LTA: variants seen among roughly 807,000 people sequenced by gnomAD.
LTA encodes lymphotoxin alpha.
A neutral mutation model predicts 15.1 loss-of-function variants in LTA; 6 were observed. The ratio of observed to expected loss-of-function variants is 0.40; its 90% confidence interval spans 0.22 to 0.78. LTA has a LOEUF of 0.78. LTA is among the 30% of genes least tolerant of loss of function. The pLI, the probability that LTA is intolerant of heterozygous loss-of-function variation, is 0.38. For synonymous variants in LTA, 87 were observed against 107.3 expected, an observed-to-expected ratio of 0.81 and a Z score of 1.17; for missense variants, 173 against 249.5, an observed-to-expected ratio of 0.69 and a Z score of 2.06.
At chr6:31,564,933 A>T in the LTA span, among the ~76,000 whole-genome samples, 6 of 152,132 alleles carry the variant, frequency 3.9e-5, no homozygotes, top group African/African-American at 1.4e-4. Flanking sequence ...ACAAACAAGG[A>T]TGATGGTAGG....
chr6:31,570,476 T>G (rs1770773723), upstream of LTA, among the ~76,000 whole-genome samples: 2 of 152,184 alleles, frequency 1.3e-5, no homozygotes, highest in Admixed American at 1.3e-4. Context: ...TCAGTAGCAG[T>G]AATAATATTT....
At chr6:31,569,913 G>A (rs948968077), upstream of LTA, among the ~76,000 whole-genome samples, 2 of 152,150 alleles carry the variant, frequency 1.3e-5, no homozygotes, top group Non-Finnish European at 2.9e-5. Context: ...GCTGTACAGA[G>A]AGACCAAGAA....
rs1257603892 is a variant in LTA, at chr6:31,572,730, G to T, written c.-9-4G>T. On this transcript the variant is annotated splice_polypyrimidine_tract_variant and splice_region_variant and intron_variant, in intron 1 of 3. Coordinates refer to ENST00000418386, the MANE Select transcript of LTA (RefSeq NM_000595.4). ...TCTCTCTCTCTCTCTCTCTTTCTCT[G>T]CAGGTTCTCCCCATGACACCACCTG... 6.3e-7 allele frequency: 1 copy of T among 1,586,736 alleles called. No individual in the cohort carries two copies. The highest frequency in any genetic ancestry group is 8.6e-7 in the Non-Finnish European group (1 of 1,162,602).
upstream of LTA, among the ~76,000 whole-genome samples, chr6:31,569,749 A>G (rs1018705131): frequency 5.3e-5 from 8 of 151,852 alleles, no homozygotes; most frequent in African/African-American, 1.9e-4. Flanking sequence ...GTGAGCCAAG[A>G]TCGTGCCACT....
At chr6:31,567,621 T>TCTCTCC (rs1770637645), upstream of LTA, among the ~76,000 whole-genome samples, 3 of 145,654 alleles carry the variant, frequency 2.1e-5, no homozygotes, top group African/African-American at 7.7e-5. Flanking sequence ...TCTCTCTCTC[T>TCTCTCC]CTCCCTCCCC....
At chr6:31,571,103 C>T (rs4647192), upstream of LTA, among the ~76,000 whole-genome samples, 307 of 150,710 alleles carry the variant, frequency 2.0e-3, 1 homozygote, top group African/African-American at 7.2e-3. Context: ...CTCTGTCCCC[C>T]AGGCTGGAAT....
At chr6:31,570,168 C>T (rs951476612), upstream of LTA, among the ~76,000 whole-genome samples, 25 of 152,118 alleles carry the variant, frequency 1.6e-4, no homozygotes, top group African/African-American at 5.8e-4. Context: ...GGAGTATTGG[C>T]CATAACCCTT....
At chr6:31,569,154 C>T (rs897406119), upstream of LTA, among the ~76,000 whole-genome samples, 2 of 152,014 alleles carry the variant, frequency 1.3e-5, no homozygotes, top group Non-Finnish European at 2.9e-5. Flanking sequence ...GGATTACAGG[C>T]GCGTGCCACC....
Position 31,572,783 on chromosome 6 carries a change from G to T in LTA, c.41G>T (p.Gly14Val). ...CGTCTCTTCCTCCCAAGGGTGTGTG[G>T]CACCACCCTACACCTCCTCCTTCTG... The part of the protein sequence containing the change: ...PERLFLPRVC[G>V]TTLHLLLLGL... The change falls in exon 2 of 4, where the codon GGC becomes GTC. Residue 14 changes from glycine to valine, a missense_variant. Transcript: ENST00000418386. 1 of 1,610,602 alleles carries T rather than the reference G, an allele frequency of 6.2e-7. No homozygotes were observed. The highest frequency in any genetic ancestry group is 8.5e-7 in the Non-Finnish European group (1 of 1,179,734).
the LTA span, among the ~76,000 whole-genome samples, chr6:31,565,541 C>T: frequency 6.6e-6 from 1 of 152,168 alleles, no homozygotes; most frequent in Admixed American, 6.5e-5. Flanking sequence ...TGACCATGCC[C>T]AGGTTTCTTT....
In LTA at chr6:31,574,025, G is replaced by T; in HGVS notation, c.*332G>T. ...AGAGCAGGCACATGGAGGAGCTTGG[G>T]GGATGACTAGAGGCAGGGAGGGGAC... On this transcript the variant is annotated 3_prime_UTR_variant, in exon 4 of 4. Coordinates refer to ENST00000418386, the MANE Select transcript of LTA (RefSeq NM_000595.4). The T allele has an allele frequency of 1.9e-6, 1 of 522,028 alleles. No individual in the cohort carries two copies. The highest frequency in any genetic ancestry group is 1.9e-5 in the African/African-American group (1 of 52,264). 32.3% of individuals were successfully genotyped at this position (522,028 alleles called of 1,614,324 possible).
intron 3 of LTA, 23 bp from the exon 4 acceptor site, chr6:31,573,258 C>T (rs371781050): frequency 6.3e-7 from 1 of 1,596,848 alleles, no homozygotes; most frequent in Non-Finnish European, 8.5e-7. Context: ...TCTCCCACCC[C>T]CATCCCCTAT....
At chr6:31,563,481 C>T in the LTA span, among the ~76,000 whole-genome samples, 1 of 152,068 alleles carries the variant, frequency 6.6e-6, no homozygotes, top group Non-Finnish European at 1.5e-5. Context: ...AAGTTGTGTC[C>T]AAGAACACTG....
At chr6:31,563,909 T>C in the LTA span, among the ~76,000 whole-genome samples, 1 of 151,992 alleles carries the variant, frequency 6.6e-6, no homozygotes, top group African/African-American at 2.4e-5. Flanking sequence ...TGCCCGGCGG[T>C]AAGAGATTCT....
chr6:31,567,557 C>T (rs563531986), upstream of LTA, among the ~76,000 whole-genome samples: 33 of 148,622 alleles, frequency 2.2e-4, no homozygotes, highest in Non-Finnish European at 2.5e-4. Context: ...AGCAAGACAC[C>T]ATGTCAAAAG....
upstream of LTA, among the ~76,000 whole-genome samples, chr6:31,570,442 TAACA>T: frequency 6.6e-6 from 1 of 152,316 alleles, no homozygotes; most frequent in South Asian, 2.1e-4. Context: ...CCAACCCCTC[TAACA>T]CTCTCCAAGT....
chr6:31,564,058 A>T, the LTA span, among the ~76,000 whole-genome samples: 6 of 152,182 alleles, frequency 3.9e-5, no homozygotes, highest in African/African-American at 1.4e-4. Context: ...AGAGTGGGAG[A>T]TGTGAAAAGT....
intron 1 of LTA, 74 bp from the exon 2 acceptor site, chr6:31,572,660 G>T: frequency 9.4e-7 from 1 of 1,065,934 alleles, no homozygotes; most frequent in Non-Finnish European, 1.4e-6. Context: ...CTCTCTCCCA[G>T]GGCGGGAGGT....
Position 31,573,766 on chromosome 6 carries a change from A to G in LTA, c.*73A>G. On this transcript the variant is annotated 3_prime_UTR_variant, in exon 4 of 4. Coordinates refer to ENST00000418386, the MANE Select transcript of LTA (RefSeq NM_000595.4). ...TCCCCATTCTGCCTCCATTCTGACCATTTCAGGGGTCGTCACCACCTCTCC... is the reference window on the plus strand; with the variant it reads ...TCCCCATTCTGCCTCCATTCTGACCGTTTCAGGGGTCGTCACCACCTCTCC... 1 of 1,561,972 alleles carries G rather than the reference A, an allele frequency of 6.4e-7. No homozygotes were observed. Among genetic ancestry groups the G allele is most frequent in the Non-Finnish European group, 8.8e-7 (1 of 1,138,812 alleles).
Sources: allele counts gnomAD v4.1 joint callset (sites outside exome capture counted in the v4.1 genomes callset), GRCh38; gene constraint gnomAD v4.1.1; transcripts MANE v1.5; gene names NCBI Gene and HGNC (gene_info 2026-07-23, HGNC 2026-07-21).